The following CPLX1 variants were observed in gnomAD, a reference collection of about 807,000 sequenced individuals.
The protein encoded by CPLX1 is complexin-1.
CPLX1 carries 6 observed loss-of-function variants against 15.6 expected under a neutral mutation model. The observed-to-expected ratio is 0.39, with a 90% confidence interval of 0.21 to 0.76. The LOEUF (loss-of-function observed/expected upper bound fraction) is 0.76. Among genes scored for constraint, CPLX1 ranks in the 30% least tolerant of loss-of-function variants. CPLX1 has a pLI of 0.43. For synonymous variants in CPLX1, 91 were observed against 75.2 expected (o/e 1.21, Z -1.08); for missense variants, 242 against 188.6 (o/e 1.28, Z -1.66).
Position 786,933 on chromosome 4 carries a change from G to C in CPLX1, c.208-235C>G, listed in dbSNP as rs140555829. 274 of 979,614 alleles carry C rather than the reference G, an allele frequency of 2.8e-4. 4 individuals carry two copies. The African/African-American group carries it at 4.5e-3, about 16-fold the overall frequency. 60.7% of individuals were successfully genotyped at this position (979,614 alleles called of 1,614,324 possible). A position where few individuals can be genotyped will look rare whatever the true frequency, so the allele number is the denominator to read the frequency against. On this transcript the variant is annotated intron_variant, in intron 3 of 3. Transcript: ENST00000304062. Reference sequence around the variant, plus strand: ...GAGCTGACATGGGGGGGAGCAGGGAGGGGGAGGCTCCCATCTTCCTTGAGA... The same window carrying C: ...GAGCTGACATGGGGGGGAGCAGGGACGGGGAGGCTCCCATCTTCCTTGAGA...
At chr4:788,842 C>T (rs1159046944) in intron 3 of CPLX1, among the ~76,000 whole-genome samples, 2 of 152,132 alleles carry the variant, frequency 1.3e-5, no homozygotes, top group African/African-American at 4.8e-5. Flanking sequence ...GTGCTGCCCA[C>T]AGCAAAAGCA....
intron 3 of CPLX1, chr4:786,934 G>T (rs558462155): frequency 4.1e-6 from 4 of 980,498 alleles, no homozygotes; most frequent in East Asian, 1.1e-4. Flanking sequence ...GAGCAGGGAG[G>T]GGGAGGCTCC....
chr4:811,255 C>T (rs1746660849), intron 2 of CPLX1, among the ~76,000 whole-genome samples: 1 of 152,184 alleles, frequency 6.6e-6, no homozygotes, highest in African/African-American at 2.4e-5. Context: ...GTGATCTTCC[C>T]ACCTTGGCCT....
chr4:806,075 TTAACA>T lies in CPLX1; in HGVS notation c.32-13472_32-13468del, dbSNP rs565189527. Among the ~76,000 whole-genome samples the T allele has an allele frequency of 7.7e-4, 117 of 152,332 alleles. 1 individual carries two copies. Among genetic ancestry groups the T allele is most frequent in the African/African-American group, 2.5e-3 (104 of 41,572 alleles). ...TACTTAATGCCACTGAATTGTGCAC[TTAACA>T]TAATTTAAATGGTAAATTTTATGCT... On this transcript the variant is annotated intron_variant, in intron 2 of 3. Transcript: ENST00000304062.
At chr4:804,935 G>C in intron 2 of CPLX1, 1 of 948,444 alleles carries the variant, frequency 1.1e-6, no homozygotes, top group Non-Finnish European at 1.3e-6. Flanking sequence ...CCGCGAGCAC[G>C]TGCGGAGTTC....
intron 2 of CPLX1, among the ~76,000 whole-genome samples, chr4:810,342 C>G (rs1301787466): frequency 1.3e-5 from 2 of 152,250 alleles, no homozygotes; most frequent in Admixed American, 1.3e-4. Context: ...AGCCACCACG[C>G]CCGGCCTTGG....
At chr4:797,406 C>T (rs932516392) in intron 2 of CPLX1, among the ~76,000 whole-genome samples, 2 of 152,190 alleles carry the variant, frequency 1.3e-5, no homozygotes, top group African/African-American at 4.8e-5. Flanking sequence ...CAGCTCACTG[C>T]AACCTCCACC....
At chr4:787,908 G>A in intron 3 of CPLX1, 1 of 985,404 alleles carries the variant, frequency 1.0e-6, no homozygotes. Context: ...AGGATTGGGG[G>A]CCTGGTGTTG....
chr4:809,737 C>T (rs924293612), intron 2 of CPLX1, among the ~76,000 whole-genome samples: 3 of 152,258 alleles, frequency 2.0e-5, no homozygotes, highest in African/African-American at 7.2e-5. Flanking sequence ...CCTCGGGTTT[C>T]ATGGTGGCCT....
rs1295468595 is a variant in CPLX1 at position 792,571 on chromosome 4, G to A, written c.69C>T (p.Asp23=). ...TGGCGGCGTCTGGGTCCTTCTCCTC[G>A]TCACCCCCCAGCATCTTCCCCATGT... The part of the protein sequence containing the change: ...TKDMGKMLGG[D]EEKDPDAAKK... Residue 23 remains aspartate (D), a synonymous_variant, in exon 3 of 4, where the codon GAC becomes GAT. Coordinates refer to ENST00000304062, the MANE Select transcript of CPLX1 (RefSeq NM_006651.4). The A allele has an allele frequency of 2.5e-6, 4 of 1,613,242 alleles. No homozygotes were observed. The highest frequency in any genetic ancestry group is 2.2e-5 in the South Asian group (2 of 91,048).
chr4:788,704 T>G (rs867007553), intron 3 of CPLX1, among the ~76,000 whole-genome samples: 1 of 151,692 alleles, frequency 6.6e-6, no homozygotes, highest in African/African-American at 2.4e-5. Context: ...CTTCGTCCTG[T>G]GGGGCCAGGG....
intron 2 of CPLX1, among the ~76,000 whole-genome samples, chr4:807,051 A>G (rs1306317019): frequency 1.3e-5 from 2 of 152,252 alleles, no homozygotes; most frequent in Non-Finnish European, 2.9e-5. Context: ...ATTATTCACA[A>G]TAGCAAAGAT....
intron 2 of CPLX1, among the ~76,000 whole-genome samples, chr4:803,555 T>A (rs1280471150): frequency 7.3e-6 from 1 of 137,092 alleles, no homozygotes. Context: ...CGCGCCCGGC[T>A]AATTTTTTGT....
chr4:792,697 G>A, intron 2 of CPLX1, 89 bp from the exon 3 acceptor site: 3 of 1,425,304 alleles, frequency 2.1e-6, no homozygotes, highest in South Asian at 1.3e-5. Flanking sequence ...CCTTCTGGCC[G>A]ACCCCCCAAA....
At chr4:819,579 T>TG (rs1302763117) in intron 2 of CPLX1, among the ~76,000 whole-genome samples, 2 of 152,222 alleles carry the variant, frequency 1.3e-5, no homozygotes, top group African/African-American at 2.4e-5. Flanking sequence ...GACACACTGC[T>TG]GGGGGGTCAT....
intron 2 of CPLX1, among the ~76,000 whole-genome samples, chr4:807,545 G>A (rs1577478623): frequency 6.6e-6 from 1 of 151,984 alleles, no homozygotes; most frequent in African/African-American, 2.4e-5. Flanking sequence ...CACAATCTCG[G>A]CTCACTGCAA....
At chr4:822,337 C>T (rs533197753) in intron 2 of CPLX1, among the ~76,000 whole-genome samples, 66 of 151,416 alleles carry the variant, frequency 4.4e-4, no homozygotes, top group Admixed American at 9.8e-4. Context: ...TCCCATCTCT[C>T]CCTGTCTCTG....
intron 2 of CPLX1, among the ~76,000 whole-genome samples, chr4:800,603 T>G (rs1465901014): frequency 7.0e-6 from 1 of 143,694 alleles, no homozygotes; most frequent in Non-Finnish European, 1.5e-5. Context: ...TATATATATA[T>G]TAGCCAGACA....
In CPLX1 at chr4:786,499, G is replaced by T; in HGVS notation, c.*2C>A. ...TCCGCGGGGCCGCTGTCCCGCGCGC[G>T]GCTACTTCTTGAGCATGTCCTGCAG... On this transcript the variant is annotated 3_prime_UTR_variant, in exon 4 of 4. Coordinates refer to ENST00000304062, the MANE Select transcript of CPLX1 (RefSeq NM_006651.4). The T allele has an allele frequency of 6.4e-7, 1 of 1,572,144 alleles. No homozygotes were observed. Among genetic ancestry groups the T allele is most frequent in the South Asian group, 1.2e-5 (1 of 86,742 alleles).
Sources: gnomAD v4.1 joint callset for allele counts (sites outside exome capture counted in the v4.1 genomes callset) on GRCh38, gnomAD v4.1.1 for gene constraint, MANE v1.5 for transcripts, NCBI Gene and HGNC (gene_info 2026-07-23, HGNC 2026-07-21) for gene names.